Variants in PCDH9 observed in about 807,000 individuals in gnomAD.
PCDH9 encodes protocadherin 9.
Under a neutral mutation model 70.6 loss-of-function variants are expected in PCDH9, and 24 were observed. The observed-to-expected ratio is 0.34, with a 90% CI of 0.25 to 0.48. The LOEUF is 0.48. Among genes scored for constraint, PCDH9 ranks in the 20% least tolerant of loss-of-function variants. PCDH9 has a pLI of 0.99. For missense variants in PCDH9, 1,281 were observed against 1,503.6 expected (o/e 0.85, Z 2.45); for synonymous variants, 562 against 558.5 (o/e 1.01, Z -0.09).
At chr13:66,373,831 C>A (rs1278745791) in intron 4 of PCDH9, among the ~76,000 whole-genome samples, 2 of 152,146 alleles carry the variant, frequency 1.3e-5, no homozygotes, top group African/African-American at 4.8e-5. Context: ...GAAGGCCAGA[C>A]TTCCAGTCTT....
In PCDH9 at chr13:66,436,021, T is replaced by TA. The variant is rs1566323254; in HGVS notation, c.3341-130994_3341-130993insT. Among the ~76,000 whole-genome samples the TA allele has an allele frequency of 1.4e-4, 22 of 151,918 alleles. No homozygotes were observed. The South Asian group carries it at 1.7e-3, about 11-fold the overall frequency. On this transcript the variant is annotated intron_variant, in intron 4 of 4. Transcript: ENST00000377865. The stretch of plus-strand genomic sequence containing the variant: ...ATTATTTTTCAAAATACTCTTTTTT[T>TA]TAAAAAAAAGTCACCTAGTAATCAT...
At chr13:66,710,036 C>T (rs1025718920) in intron 3 of PCDH9, among the ~76,000 whole-genome samples, 2 of 151,732 alleles carry the variant, frequency 1.3e-5, no homozygotes, top group African/African-American at 4.8e-5. Context: ...TAAAAATTAC[C>T]CAATGTCCTA....
At position 67,088,114 on chromosome 13, in the gene PCDH9, T is replaced by A. The variant is rs919614612; in HGVS notation, c.3036+137291A>T. On this transcript the variant is annotated intron_variant, in intron 2 of 4. Transcript: ENST00000377865. ...TATTTCATAGATTTTTTTTTTTTTT[T>A]ATTCCCTGAGATTTACTGCCTAAAG... 2.0e-4 allele frequency among the ~76,000 whole-genome samples: 29 copies of A among 148,226 alleles called. No individual in the cohort carries two copies. The East Asian group carries it at 2.5e-3, about 13-fold the overall frequency.
intron 3 of PCDH9, among the ~76,000 whole-genome samples, chr13:66,773,142 A>G (rs2079835064): frequency 6.6e-6 from 1 of 152,164 alleles, no homozygotes; most frequent in Non-Finnish European, 1.5e-5. Flanking sequence ...AACTGTTTCC[A>G]TCACATCAAA....
chr13:66,425,397 C>T (rs1472788140), intron 4 of PCDH9, among the ~76,000 whole-genome samples: 1 of 151,638 alleles, frequency 6.6e-6, no homozygotes, highest in Non-Finnish European at 1.5e-5. Context: ...AAGTTTCCTA[C>T]AGCCTGCCAA....
At chr13:66,681,968 T>TATATATATATATATATATATATATA (rs1566502472) in intron 3 of PCDH9, among the ~76,000 whole-genome samples, 43 of 148,498 alleles carry the variant, frequency 2.9e-4, no homozygotes, top group South Asian at 6.4e-4. Context: ...TATATATATA[T>TATATATATATATATATATATATATA]TTGAGAGATT....
intron 3 of PCDH9, among the ~76,000 whole-genome samples, chr13:66,889,385 ATTCT>A (rs1488583775): frequency 6.6e-6 from 1 of 152,170 alleles, no homozygotes; most frequent in East Asian, 1.9e-4. Context: ...TATCTGTTTC[ATTCT>A]TTAAGTCATT....
intron 4 of PCDH9, among the ~76,000 whole-genome samples, chr13:66,480,686 A>G (rs1188440013): frequency 6.6e-6 from 1 of 152,196 alleles, no homozygotes; most frequent in Non-Finnish European, 1.5e-5. Context: ...ATGTGGACAA[A>G]TAGGAACACT....
chr13:66,934,825 A>G (rs1207572594), intron 2 of PCDH9, among the ~76,000 whole-genome samples: 1 of 125,234 alleles, frequency 8.0e-6, no homozygotes, highest in Non-Finnish European at 1.6e-5. Flanking sequence ...GGTTCACGCC[A>G]TTCTCCTGCC....
In PCDH9 at chr13:66,303,745, G is replaced by T. The variant is rs1593769501; in HGVS notation, c.*910C>A. The T allele has an allele frequency of 1.3e-5, 2 of 152,296 alleles. No homozygotes were observed. Among genetic ancestry groups the T allele is most frequent in the African/African-American group, 2.4e-5 (1 of 41,500 alleles). The allele number at this position is 152,296 out of a possible 1,614,324, so 9.4% of individuals were successfully genotyped here. A position where few individuals can be genotyped will look rare whatever the true frequency, so the allele number is the denominator to read the frequency against. On this transcript the variant is annotated 3_prime_UTR_variant, in exon 5 of 5. Transcript: ENST00000377865. Reference sequence around the variant, plus strand: ...TTAATGGTACTAATTAAGTGATTTTGCTTTTGCCTACTTTGAAAATAAGAT... The same window carrying T: ...TTAATGGTACTAATTAAGTGATTTTTCTTTTGCCTACTTTGAAAATAAGAT...
chr13:66,877,219 G>A (rs994822736), intron 3 of PCDH9, among the ~76,000 whole-genome samples: 6 of 151,660 alleles, frequency 4.0e-5, no homozygotes, highest in Admixed American at 3.9e-4. Flanking sequence ...GTCAAGGACA[G>A]AGTCTGTAGC....
intron 2 of PCDH9, among the ~76,000 whole-genome samples, chr13:67,093,870 T>C (rs1284387428): frequency 6.6e-6 from 1 of 152,180 alleles, no homozygotes; most frequent in Non-Finnish European, 1.5e-5. Flanking sequence ...TCAATTTTTC[T>C]TGGTAAATTT....
intron 3 of PCDH9, among the ~76,000 whole-genome samples, chr13:66,871,370 C>T (rs1176682302): frequency 2.7e-5 from 4 of 148,810 alleles, no homozygotes; most frequent in African/African-American, 9.9e-5. Context: ...CACATGTACC[C>T]TAAAACTTAA....
intron 4 of PCDH9, among the ~76,000 whole-genome samples, chr13:66,460,008 A>C (rs147498765): frequency 1.3e-5 from 2 of 152,050 alleles, no homozygotes; most frequent in East Asian, 3.9e-4. Flanking sequence ...TGAGGGGCAA[A>C]AACAAGAAAC....
chr13:67,044,852 A>G (rs1328919988), intron 2 of PCDH9, among the ~76,000 whole-genome samples: 4 of 152,164 alleles, frequency 2.6e-5, no homozygotes, highest in Admixed American at 1.3e-4. Context: ...GAGAAGAGGA[A>G]ACACAGAGCA....
intron 3 of PCDH9, among the ~76,000 whole-genome samples, chr13:66,707,889 A>G (rs1185982352): frequency 6.6e-6 from 1 of 152,174 alleles, no homozygotes; most frequent in Non-Finnish European, 1.5e-5. Flanking sequence ...TGCTCATCTT[A>G]GATAAGTATT....
At chr13:66,607,369 T>C (rs2077233965) in intron 4 of PCDH9, among the ~76,000 whole-genome samples, 2 of 152,070 alleles carry the variant, frequency 1.3e-5, no homozygotes, top group Admixed American at 1.3e-4. Flanking sequence ...TAAATGGTAA[T>C]ATTATTATTA....
chr13:66,432,028 G>A (rs1008424174), intron 4 of PCDH9, among the ~76,000 whole-genome samples: 1 of 151,808 alleles, frequency 6.6e-6, no homozygotes, highest in Non-Finnish European at 1.5e-5. Context: ...TTTTTTATTC[G>A]TTGTGTTTTT....
chr13:66,751,214 T>A (rs9540895), intron 3 of PCDH9, among the ~76,000 whole-genome samples: 76,184 of 150,692 alleles, frequency 0.51, 20,778 homozygotes, highest in Non-Finnish European at 0.63. Context: ...ATTGATCAAA[T>A]TTTTTTTTTC....
Sources: gnomAD v4.1 joint callset for allele counts (sites outside exome capture counted in the v4.1 genomes callset) on GRCh38, gnomAD v4.1.1 for gene constraint, MANE v1.5 for transcripts, NCBI Gene and HGNC (gene_info 2026-07-23, HGNC 2026-07-21) for gene names.